Variants in RARB observed in about 807,000 individuals in gnomAD.
RARB encodes the protein HBV-activated protein.
A neutral mutation model predicts 51.9 loss-of-function variants in RARB; 17 were observed. The ratio of observed to expected loss-of-function variants is 0.33; its 90% CI spans 0.22 to 0.49. The LOEUF is 0.49. Ranked by LOEUF, RARB falls within the 20% of genes least tolerant of loss-of-function variation. RARB has a pLI of 0.99. For missense variants in RARB, 369 were observed against 550.8 expected, an observed-to-expected ratio of 0.67 and a Z score of 3.30; for synonymous variants, 215 against 195.4, an observed-to-expected ratio of 1.10 and a Z score of -0.84.
intron 2 of RARB, among the ~76,000 whole-genome samples, chr3:24,903,258 G>T (rs150565492): frequency 1.3e-5 from 2 of 151,906 alleles, no homozygotes; most frequent in East Asian, 3.9e-4. Flanking sequence ...TACAGAAATA[G>T]GAAATAATAA....
chr3:25,403,348 C>G (rs1378944700), intron 5 of RARB, among the ~76,000 whole-genome samples: 1 of 152,022 alleles, frequency 6.6e-6, no homozygotes, highest in Non-Finnish European at 1.5e-5. Flanking sequence ...CATTGCATGC[C>G]TGTATCAAAA....
chr3:24,900,956 T>C (rs756508076), intron 2 of RARB, among the ~76,000 whole-genome samples: 3 of 152,254 alleles, frequency 2.0e-5, no homozygotes, highest in Non-Finnish European at 4.4e-5. Context: ...GATCCAATAT[T>C]GGAAGACAAT....
intron 2 of RARB, among the ~76,000 whole-genome samples, chr3:25,007,294 A>T (rs1697292287): frequency 3.3e-5 from 5 of 152,152 alleles, no homozygotes; most frequent in Admixed American, 6.6e-5. Flanking sequence ...TTAATAAAGG[A>T]TGTTATCCTA....
chr3:25,106,363 C>G (rs73045798), intron 3 of RARB, among the ~76,000 whole-genome samples: 1 of 146,806 alleles, frequency 6.8e-6, no homozygotes, highest in Non-Finnish European at 1.5e-5. Flanking sequence ...GCAGCCTTGA[C>G]CCCTCAGATT....
chr3:25,550,975 T>C lies in RARB; in HGVS notation c.449-18783T>C, dbSNP rs560002574. ...GGGTATATATGTACCAAGTTTTCTT[T>C]AGGGGATTAAGTTTTAACTTGCGAA... is the stretch of plus-strand genomic sequence containing the variant. On this transcript the variant is annotated intron_variant, in intron 3 of 7. Coordinates refer to ENST00000330688, the MANE Select transcript of RARB (RefSeq NM_000965.5). Among the ~76,000 whole-genome samples, 3 of 152,290 alleles carry C rather than the reference T, an allele frequency of 2.0e-5. No homozygotes were observed. The East Asian group carries it at 5.8e-4, about 29-fold the overall frequency.
chr3:24,937,473 A>G (rs574151639), intron 2 of RARB, among the ~76,000 whole-genome samples: 128 of 152,184 alleles, frequency 8.4e-4, no homozygotes, highest in African/African-American at 2.9e-3. Context: ...ACGCTTCCCC[A>G]CCCACATGTA....
chr3:25,435,187 GTGGAATGTTTGCTATGT>G (rs1366220997), intron 1 of RARB, among the ~76,000 whole-genome samples: 1 of 152,136 alleles, frequency 6.6e-6, no homozygotes, highest in Non-Finnish European at 1.5e-5. Flanking sequence ...CCCATATTTA[GTGGAATGTTTGCTATGT>G]TGTTGTTGAT....
chr3:25,265,874 AG>A (rs1263240006), intron 5 of RARB, among the ~76,000 whole-genome samples: 1 of 152,170 alleles, frequency 6.6e-6, no homozygotes, highest in South Asian at 2.1e-4. Flanking sequence ...TGAAAGCTCT[AG>A]GGGAGAATTC....
chr3:25,058,742 T>G (rs1392589501), intron 2 of RARB, among the ~76,000 whole-genome samples: 7 of 151,798 alleles, frequency 4.6e-5, no homozygotes, highest in Non-Finnish European at 8.9e-5. Context: ...ATTATGCAAT[T>G]GATCAAAAAT....
chr3:24,989,774 CTTTTTTTTTTTTTTTTTTTT>C (rs769275874), intron 2 of RARB, among the ~76,000 whole-genome samples: 544 of 29,528 alleles, frequency 0.018, 82 homozygotes, highest in Middle Eastern at 0.12. Context: ...ATATGTTTTT[CTTTTTTTTTTTTTTTTTTTT>C]TTTTTTTTTT....
intron 1 of RARB, among the ~76,000 whole-genome samples, chr3:24,854,734 C>G (rs1702610443): frequency 1.3e-5 from 2 of 152,084 alleles, no homozygotes; most frequent in South Asian, 4.2e-4. Context: ...CATTCCTGGC[C>G]CCTATTCTCA....
chr3:24,950,063 G>T (rs1695856734), intron 2 of RARB, among the ~76,000 whole-genome samples: 1 of 152,218 alleles, frequency 6.6e-6, no homozygotes, highest in African/African-American at 2.4e-5. Flanking sequence ...GCATCACCTT[G>T]TAAAATTCAT....
chr3:25,109,387 G>A (rs955812888), intron 3 of RARB, among the ~76,000 whole-genome samples: 37 of 151,934 alleles, frequency 2.4e-4, no homozygotes, highest in Admixed American at 2.0e-3. Context: ...AACAAGCAGG[G>A]GCATTTTGGT....
intron 2 of RARB, among the ~76,000 whole-genome samples, chr3:25,491,666 C>A (rs1696744381): frequency 6.6e-6 from 1 of 152,114 alleles, no homozygotes; most frequent in Non-Finnish European, 1.5e-5. Flanking sequence ...GCTGGGCGTG[C>A]GTGGTACCTC....
chr3:25,474,728 G>T (rs1384511328), intron 2 of RARB, among the ~76,000 whole-genome samples: 2 of 152,182 alleles, frequency 1.3e-5, no homozygotes, highest in East Asian at 3.8e-4. Context: ...CGTAGAAAGA[G>T]GGTATCAGAA....
intron 5 of RARB, among the ~76,000 whole-genome samples, chr3:25,210,529 C>CTTTTTTTTTTTGTTT (rs1701667732): frequency 3.6e-5 from 1 of 27,618 alleles, no homozygotes; most frequent in Non-Finnish European, 8.7e-5. Context: ...TTATCTGATT[C>CTTTTTTTTTTTGTTT]TTTTTTTTTT....
intron 5 of RARB, among the ~76,000 whole-genome samples, chr3:25,187,597 T>C (rs1165298788): frequency 2.6e-5 from 4 of 152,106 alleles, no homozygotes; most frequent in Admixed American, 2.0e-4. Flanking sequence ...AAAATACTTT[T>C]AATCTTTGTC....
intron 3 of RARB, among the ~76,000 whole-genome samples, chr3:25,505,862 A>T (rs1575469273): frequency 1.3e-5 from 2 of 152,218 alleles, no homozygotes; most frequent in East Asian, 3.8e-4. Flanking sequence ...AATGAAAAAG[A>T]GAAACAATAA....
chr3:25,397,928 A>G (rs1380753472), intron 5 of RARB, among the ~76,000 whole-genome samples: 1 of 152,012 alleles, frequency 6.6e-6, no homozygotes, highest in East Asian at 1.9e-4. Flanking sequence ...GGGCTGGTCT[A>G]TATATTCTTA....
Sources: gnomAD v4.1 joint callset for allele counts (sites outside exome capture counted in the v4.1 genomes callset) on GRCh38, gnomAD v4.1.1 for gene constraint, MANE v1.5 for transcripts, NCBI Gene and HGNC (gene_info 2026-07-23, HGNC 2026-07-21) for gene names.